The following ADAM12 variants were observed in gnomAD, a reference collection of about 807,000 sequenced individuals.
The protein encoded by ADAM12 is ADAM metallopeptidase domain 12.
ADAM12 carries 70 observed loss-of-function variants against 106.4 expected under a neutral mutation model. That is an observed-to-expected ratio of 0.66 (90% CI 0.54 to 0.80). The LOEUF is 0.80. ADAM12 is among the 30% of genes least tolerant of loss of function. The pLI is 0.00. For missense variants in ADAM12, 1,010 were observed against 1,171.9 expected (o/e 0.86, Z 2.02); for synonymous variants, 420 against 433.5 (o/e 0.97, Z 0.39).
chr10:126,331,474 C>T (rs926173685), intron 1 of ADAM12, among the ~76,000 whole-genome samples: 3 of 152,174 alleles, frequency 2.0e-5, no homozygotes, highest in African/African-American at 7.2e-5. Context: ...TACAGTTCCC[C>T]AAATACTTTT....
chr10:126,333,171 G>A (rs551574068), intron 1 of ADAM12, among the ~76,000 whole-genome samples: 1 of 152,322 alleles, frequency 6.6e-6, no homozygotes, highest in East Asian at 1.9e-4. Flanking sequence ...AAACGAACCA[G>A]TTTAATTATA....
At chr10:126,127,440 T>C (rs575776345) in intron 5 of ADAM12, among the ~76,000 whole-genome samples, 1 of 152,312 alleles carries the variant, frequency 6.6e-6, no homozygotes, top group South Asian at 2.1e-4. Flanking sequence ...GGAGGGCACA[T>C]CTATTCCTGC....
intron 3 of ADAM12, among the ~76,000 whole-genome samples, chr10:126,267,064 GGC>G (rs1225520001): frequency 2.0e-5 from 3 of 152,094 alleles, no homozygotes; most frequent in Non-Finnish European, 4.4e-5. Context: ...GAGCTGACGT[GGC>G]TTGTCTCCAA....
chr10:126,219,204 A>G (rs1400128024), intron 3 of ADAM12, among the ~76,000 whole-genome samples: 3 of 152,222 alleles, frequency 2.0e-5, no homozygotes, highest in Non-Finnish European at 4.4e-5. Flanking sequence ...ACAACTTCCA[A>G]AGGATTTATT....
chr10:126,249,239 T>C (rs1958694260), intron 3 of ADAM12, among the ~76,000 whole-genome samples: 2 of 152,112 alleles, frequency 1.3e-5, no homozygotes, highest in Non-Finnish European at 2.9e-5. Context: ...CCTACTAAAA[T>C]GTAGCCACAC....
chr10:126,236,754 A>G (rs1958425721), intron 3 of ADAM12, among the ~76,000 whole-genome samples: 1 of 151,964 alleles, frequency 6.6e-6, no homozygotes, highest in African/African-American at 2.4e-5. Context: ...ACCTACAGGA[A>G]GGAGCATCAC....
chr10:126,140,539 G>T (rs978952994), intron 4 of ADAM12, among the ~76,000 whole-genome samples: 11 of 152,128 alleles, frequency 7.2e-5, no homozygotes, highest in African/African-American at 2.7e-4. Context: ...GTCATTAGTA[G>T]AGTTAACAAC....
At position 126,201,406 on chromosome 10, in the gene ADAM12, A is replaced by C. The variant is rs189430629; in HGVS notation, c.261-46101T>G. 8.3e-4 allele frequency among the ~76,000 whole-genome samples: 126 copies of C among 152,164 alleles called. 3 individuals are homozygous for C. In the East Asian group the frequency reaches 0.022, roughly 26 times the overall value. ...AGGCCAAGTGACAAGGGAGGCAGAG[A>C]CTGGAGTGTTGTTGCCACGAGCCAA... is the stretch of plus-strand genomic sequence containing the variant. On this transcript the variant is annotated intron_variant, in intron 3 of 22. Coordinates refer to ENST00000448723, the MANE Select transcript of ADAM12 (RefSeq NM_001288973.2).
At chr10:126,348,932 A>G (rs1413056624) in intron 1 of ADAM12, among the ~76,000 whole-genome samples, 1 of 152,208 alleles carries the variant, frequency 6.6e-6, no homozygotes, top group Non-Finnish European at 1.5e-5. Context: ...TTCAACTGGG[A>G]GTCCTGTTTT....
chr10:126,242,656 C>A (rs959553587), intron 3 of ADAM12, among the ~76,000 whole-genome samples: 1 of 152,174 alleles, frequency 6.6e-6, no homozygotes, highest in Non-Finnish European at 1.5e-5. Flanking sequence ...ACCAATTGTG[C>A]TTTATTTGAG....
At chr10:126,157,598 T>A (rs1956842752) in intron 3 of ADAM12, among the ~76,000 whole-genome samples, 1 of 152,182 alleles carries the variant, frequency 6.6e-6, no homozygotes, top group Admixed American at 6.5e-5. Context: ...ACAGCGAGTG[T>A]TTGAGAGAGT....
At chr10:126,023,033 A>G (rs993649298) in intron 21 of ADAM12, among the ~76,000 whole-genome samples, 3 of 152,218 alleles carry the variant, frequency 2.0e-5, no homozygotes, top group Admixed American at 1.3e-4. Context: ...ATGGTAAACG[A>G]GAGTAAACAT....
intron 5 of ADAM12, among the ~76,000 whole-genome samples, chr10:126,126,327 G>A (rs1183961082): frequency 6.6e-6 from 1 of 152,118 alleles, no homozygotes; most frequent in Admixed American, 6.5e-5. Flanking sequence ...CCAGCATCTA[G>A]GGCCCTTCTG....
At chr10:126,253,367 T>G (rs1464691480) in intron 3 of ADAM12, among the ~76,000 whole-genome samples, 1 of 152,268 alleles carries the variant, frequency 6.6e-6, no homozygotes, top group Non-Finnish European at 1.5e-5. Flanking sequence ...CAATGTGGCA[T>G]GTGTCCTAAT....
intron 21 of ADAM12, among the ~76,000 whole-genome samples, chr10:126,022,921 A>G (rs1394321070): frequency 6.6e-6 from 1 of 152,216 alleles, no homozygotes; most frequent in East Asian, 1.9e-4. Context: ...GGCAATAGCC[A>G]CATATTTCAG....
chr10:126,252,135 C>A (rs1333308943), intron 3 of ADAM12, among the ~76,000 whole-genome samples: 1 of 123,736 alleles, frequency 8.1e-6, no homozygotes, highest in Non-Finnish European at 1.7e-5. Flanking sequence ...GATGGATGGA[C>A]AGGATGGATG....
intron 5 of ADAM12, among the ~76,000 whole-genome samples, chr10:126,121,165 C>CTATATACACTATATACTA (rs1565074131): frequency 3.9e-4 from 9 of 23,068 alleles, no homozygotes; most frequent in African/African-American, 1.2e-3. Context: ...ACTATATATA[C>CTATATACACTATATACTA]TATATATACT....
chr10:126,149,998 TAAGAAA>T (rs1956701100), intron 4 of ADAM12, among the ~76,000 whole-genome samples: 1 of 152,162 alleles, frequency 6.6e-6, no homozygotes, highest in Admixed American at 6.5e-5. Context: ...TACAGATGCC[TAAGAAA>T]AAGAAAACTA....
chr10:126,072,131 G>A (rs376029992), intron 11 of ADAM12, among the ~76,000 whole-genome samples: 2 of 152,112 alleles, frequency 1.3e-5, no homozygotes, highest in South Asian at 2.1e-4. Context: ...TGTAGGGCAG[G>A]GCCTGCTGAT....
Sources: allele counts gnomAD v4.1 joint callset (sites outside exome capture counted in the v4.1 genomes callset), GRCh38; gene constraint gnomAD v4.1.1; transcripts MANE v1.5; gene names NCBI Gene and HGNC (gene_info 2026-07-23, HGNC 2026-07-21).